Variants in PHACTR4 observed in about 807,000 individuals in gnomAD.
PHACTR4 encodes protein phosphatase 1, regulatory subunit 124.
PHACTR4 carries 51 observed loss-of-function variants against 72.7 expected under a neutral mutation model. The ratio of observed to expected loss-of-function variants is 0.70; its 90% CI spans 0.56 to 0.89. The LOEUF is 0.89. Among genes scored for constraint, PHACTR4 ranks in the 40% least tolerant of loss-of-function variants. PHACTR4 has a pLI of 0.00. For synonymous variants in PHACTR4, 255 were observed against 302.5 expected (o/e 0.84, Z 1.63); for missense variants, 731 against 861.8 (o/e 0.85, Z 1.90).
At chr1:28,378,095 G>A (rs780662699) in intron 1 of PHACTR4, among the ~76,000 whole-genome samples, 1 of 151,298 alleles carries the variant, frequency 6.6e-6, no homozygotes, top group Non-Finnish European at 1.5e-5. Context: ...TACTCGGGAG[G>A]CTGAGGCAGG....
intron 1 of PHACTR4, among the ~76,000 whole-genome samples, chr1:28,401,710 G>C (rs1653960827): frequency 6.6e-6 from 1 of 151,960 alleles, no homozygotes; most frequent in African/African-American, 2.4e-5. Flanking sequence ...GGCTCAAGCT[G>C]TCTTCCTGCC....
In PHACTR4 at chr1:28,465,769, C is replaced by T. The variant is rs375917926; in HGVS notation, c.356C>T (p.Pro119Leu). ...ATAGGGAATGCCAGATCATCTAGTCCAGTCCAAGTAGAGGAAGAGCCAGTA... is the reference window on the plus strand; with the variant it reads ...ATAGGGAATGCCAGATCATCTAGTCTAGTCCAAGTAGAGGAAGAGCCAGTA... ...TPIGNARSSSPVQVEEEPVRL... is the reference protein window; with the variant it reads ...TPIGNARSSSLVQVEEEPVRL... Residue 119 changes from proline to leucine, a missense_variant, in exon 5 of 14, where the codon CCA becomes CTA. Pro to Leu is a moderately conservative substitution (Grantham distance 98, BLOSUM62 -3). Around this residue, in one of 2 missense-constraint regions of PHACTR4, gnomAD observed 621 missense variants for 676.6 expected, o/e 0.92. Coordinates refer to ENST00000373839, the MANE Select transcript of PHACTR4 (RefSeq NM_001048183.3). 1.5e-5 allele frequency: 24 copies of T among 1,613,958 alleles called. No individual in the cohort carries two copies. Among genetic ancestry groups the T allele is most frequent in the Non-Finnish European group, 1.9e-5 (23 of 1,179,948 alleles).
chr1:28,462,553 A>G (rs1166316538), intron 4 of PHACTR4, among the ~76,000 whole-genome samples: 1 of 151,710 alleles, frequency 6.6e-6, no homozygotes, highest in African/African-American at 2.4e-5. Context: ...TTTTTAATAG[A>G]CAGGGTTTCA....
At chr1:28,483,448 C>CA (rs1431508671) in intron 9 of PHACTR4, among the ~76,000 whole-genome samples, 4 of 149,742 alleles carry the variant, frequency 2.7e-5, no homozygotes, top group Non-Finnish European at 5.9e-5. Flanking sequence ...AACCTTGTCT[C>CA]AAAAAAAAGT....
chr1:28,422,366 A>T (rs1490692793), intron 2 of PHACTR4, among the ~76,000 whole-genome samples: 1 of 152,216 alleles, frequency 6.6e-6, no homozygotes, highest in Non-Finnish European at 1.5e-5. Flanking sequence ...ACTGTTAGGT[A>T]TTATAAATAA....
At chr1:28,422,977 C>T (rs1227445047) in intron 2 of PHACTR4, among the ~76,000 whole-genome samples, 4 of 152,178 alleles carry the variant, frequency 2.6e-5, no homozygotes, top group Non-Finnish European at 4.4e-5. Flanking sequence ...TTAGTAGAGA[C>T]GGGGTTTCCC....
At chr1:28,396,668 T>C (rs1653525289) in intron 1 of PHACTR4, among the ~76,000 whole-genome samples, 1 of 151,738 alleles carries the variant, frequency 6.6e-6, no homozygotes, top group African/African-American at 2.4e-5. Context: ...TGTGCTTTTT[T>C]TTTTTTTGAG....
intron 2 of PHACTR4, among the ~76,000 whole-genome samples, chr1:28,426,354 G>A (rs984637459): frequency 1.3e-5 from 2 of 151,958 alleles, no homozygotes; most frequent in Non-Finnish European, 2.9e-5. Context: ...GATAACACAT[G>A]CTGATGAAAC....
intron 1 of PHACTR4, among the ~76,000 whole-genome samples, chr1:28,396,802 G>T (rs77313329): frequency 2.9e-3 from 429 of 149,436 alleles, no homozygotes; most frequent in African/African-American, 0.01. Context: ...GAGATTACAG[G>T]CTTACACCAC....
chr1:28,437,680 CT>C (rs1557813247), intron 2 of PHACTR4, among the ~76,000 whole-genome samples: 1 of 152,270 alleles, frequency 6.6e-6, no homozygotes, highest in South Asian at 2.1e-4. Flanking sequence ...CTCTCTGGGT[CT>C]TTTTTGATAA....
intron 2 of PHACTR4, among the ~76,000 whole-genome samples, chr1:28,414,427 CAAAAAA>C (rs765271793): frequency 0.17 from 10,188 of 61,260 alleles, 1,002 homozygotes; most frequent in African/African-American, 0.37. Flanking sequence ...TCCTCTGTCT[CAAAAAA>C]AAAAAAAAAA....
chr1:28,391,306 G>A (rs866711507), intron 1 of PHACTR4, among the ~76,000 whole-genome samples: 13 of 150,366 alleles, frequency 8.6e-5, no homozygotes, highest in South Asian at 8.4e-4. Flanking sequence ...GGCTGAGGCA[G>A]GATAATGGTG....
At chr1:28,440,337 A>C (rs1044419437) in intron 2 of PHACTR4, among the ~76,000 whole-genome samples, 3 of 142,686 alleles carry the variant, frequency 2.1e-5, no homozygotes, top group African/African-American at 7.7e-5. Context: ...AGTTCATCTG[A>C]GTAACGTTTG....
At chr1:28,394,264 A>AT (rs1653297480) in intron 1 of PHACTR4, among the ~76,000 whole-genome samples, 1 of 151,482 alleles carries the variant, frequency 6.6e-6, no homozygotes, top group Admixed American at 6.6e-5. Context: ...AAAAAAAAAA[A>AT]AAAGAAAGAG....
At chr1:28,399,010 C>T (rs1365599238) in intron 1 of PHACTR4, among the ~76,000 whole-genome samples, 3 of 151,962 alleles carry the variant, frequency 2.0e-5, no homozygotes, top group Non-Finnish European at 4.4e-5. Context: ...AAGGAATTAG[C>T]TGTGTAAAGA....
intron 3 of PHACTR4, 46 bp downstream of exon 3, chr1:28,459,304 A>C (rs571464641): frequency 1.3e-6 from 2 of 1,516,268 alleles, no homozygotes; most frequent in Admixed American, 1.9e-5. Flanking sequence ...AGAATTCTCT[A>C]TGTTAGATGT....
chr1:28,455,141 A>G (rs1408129984), intron 2 of PHACTR4, among the ~76,000 whole-genome samples: 1 of 148,162 alleles, frequency 6.7e-6, no homozygotes, highest in Non-Finnish European at 1.5e-5. Context: ...AAGTGTTGGG[A>G]TTACAGGCAT....
chr1:28,390,244 C>G (rs1223772301), intron 1 of PHACTR4, among the ~76,000 whole-genome samples: 1 of 152,124 alleles, frequency 6.6e-6, no homozygotes, highest in African/African-American at 2.4e-5. Context: ...CTCGAAGTCC[C>G]TCCTGGTATC....
chr1:28,422,087 A>G (rs1318226773), intron 2 of PHACTR4, among the ~76,000 whole-genome samples: 1 of 152,250 alleles, frequency 6.6e-6, no homozygotes, highest in Non-Finnish European at 1.5e-5. Flanking sequence ...TTTTAATGTG[A>G]GACAGAGTGA....
Sources: allele counts gnomAD v4.1 joint callset (sites outside exome capture counted in the v4.1 genomes callset), GRCh38; gene constraint gnomAD v4.1.1; regional missense constraint gnomAD v4.1.1; transcripts MANE v1.5; gene names NCBI Gene and HGNC (gene_info 2026-07-23, HGNC 2026-07-21).